The following THRB variants were observed in gnomAD, a reference collection of about 807,000 sequenced individuals.
THRB encodes the protein thyroid hormone receptor beta.
Under a neutral mutation model 47.8 loss-of-function variants are expected in THRB, and 12 were observed. The observed-to-expected ratio is 0.25, with a 90% CI of 0.16 to 0.41. THRB has a LOEUF of 0.41. THRB is among the 10% of genes least tolerant of loss of function. The pLI is 1.00. For synonymous variants in THRB, 218 were observed against 212.2 expected, an observed-to-expected ratio of 1.03 and a Z score of -0.24; for missense variants, 348 against 589.2, an observed-to-expected ratio of 0.59 and a Z score of 4.24.
At chr3:24,355,299 C>A (rs2063605897) in intron 1 of THRB, among the ~76,000 whole-genome samples, 1 of 151,966 alleles carries the variant, frequency 6.6e-6, no homozygotes. Flanking sequence ...CCAAAAATAC[C>A]AAGGTCAGGA....
intron 1 of THRB, among the ~76,000 whole-genome samples, chr3:24,413,389 T>C (rs775859396): frequency 6.1e-4 from 92 of 151,872 alleles, no homozygotes; most frequent in Non-Finnish European, 4.7e-4. Context: ...GAATTCTATA[T>C]GGTAAATTCT....
intron 1 of THRB, among the ~76,000 whole-genome samples, chr3:24,488,742 G>A (rs1221447423): frequency 1.3e-5 from 2 of 152,114 alleles, no homozygotes. Flanking sequence ...TGCCTTAAAT[G>A]AATGAGTAGT....
intron 4 of THRB, among the ~76,000 whole-genome samples, chr3:24,223,026 T>C (rs758260799): frequency 6.6e-6 from 1 of 152,216 alleles, no homozygotes; most frequent in Non-Finnish European, 1.5e-5. Flanking sequence ...TCTATGGCAC[T>C]GTGGGAAGCG....
intron 3 of THRB, among the ~76,000 whole-genome samples, chr3:24,281,750 C>A (rs1461475529): frequency 1.4e-5 from 2 of 141,818 alleles, no homozygotes; most frequent in African/African-American, 5.2e-5. Flanking sequence ...ATCTACCAAG[C>A]AAATGGAAAA....
intron 1 of THRB, among the ~76,000 whole-genome samples, chr3:24,482,647 T>C (rs1696657403): frequency 6.7e-6 from 1 of 148,960 alleles, no homozygotes; most frequent in Non-Finnish European, 1.5e-5. Flanking sequence ...ACTCAACCAA[T>C]AAGAGAAGGG....
chr3:24,200,422 C>T lies in THRB; in HGVS notation c.23-10088G>A, dbSNP rs769017055. 4.7e-4 allele frequency among the ~76,000 whole-genome samples: 72 copies of T among 152,108 alleles called. 1 individual carries two copies. Among genetic ancestry groups the T allele is most frequent in the Non-Finnish European group, 1.2e-4 (8 of 68,014 alleles). ...AATCAAAACTTAAGATTTATAATTTCTCAAATAAAAGACAAAATATGACTT... is the reference window on the plus strand; with the variant it reads ...AATCAAAACTTAAGATTTATAATTTTTCAAATAAAAGACAAAATATGACTT... On this transcript the variant is annotated intron_variant, in intron 4 of 10. Coordinates refer to ENST00000646209, the MANE Select transcript of THRB (RefSeq NM_001354712.2).
chr3:24,473,143 G>C (rs1327643572), intron 1 of THRB, among the ~76,000 whole-genome samples: 1 of 152,154 alleles, frequency 6.6e-6, no homozygotes, highest in East Asian at 1.9e-4. Context: ...ACATGTAATA[G>C]AAACTTCAGC....
At chr3:24,158,133 T>C (rs2038155575) in intron 5 of THRB, among the ~76,000 whole-genome samples, 1 of 152,182 alleles carries the variant, frequency 6.6e-6, no homozygotes, top group African/African-American at 2.4e-5. Flanking sequence ...GGAAATTTCA[T>C]AAAACATACA....
intron 1 of THRB, among the ~76,000 whole-genome samples, chr3:24,399,016 G>T (rs1257707145): frequency 6.6e-6 from 1 of 151,834 alleles, no homozygotes; most frequent in Non-Finnish European, 1.5e-5. Context: ...CTCATAGGTG[G>T]GAATTGAACA....
chr3:24,410,811 T>C (rs1485436010), intron 1 of THRB, among the ~76,000 whole-genome samples: 1 of 151,876 alleles, frequency 6.6e-6, no homozygotes, highest in Non-Finnish European at 1.5e-5. Flanking sequence ...ATTTGTTAAT[T>C]CACAACAAAA....
At chr3:24,451,424 AT>A (rs1299512413) in intron 1 of THRB, among the ~76,000 whole-genome samples, 1 of 151,636 alleles carries the variant, frequency 6.6e-6, no homozygotes, top group Non-Finnish European at 1.5e-5. Context: ...TTTAGTAGAG[AT>A]GGGGTTTCAC....
At chr3:24,136,714 T>C (rs913947340) in intron 8 of THRB, among the ~76,000 whole-genome samples, 1 of 152,230 alleles carries the variant, frequency 6.6e-6, no homozygotes, top group Non-Finnish European at 1.5e-5. Context: ...ACTGTAGACC[T>C]GTGGGGAAAG....
At chr3:24,171,441 T>C (rs1276762601) in intron 5 of THRB, among the ~76,000 whole-genome samples, 3 of 151,838 alleles carry the variant, frequency 2.0e-5, no homozygotes, top group Admixed American at 6.6e-5. Flanking sequence ...AGACCTGTTT[T>C]ATGTTTTCTT....
intron 1 of THRB, among the ~76,000 whole-genome samples, chr3:24,461,816 C>A (rs904142259): frequency 1.3e-5 from 2 of 152,164 alleles, no homozygotes; most frequent in African/African-American, 4.8e-5. Context: ...AAGACAACAT[C>A]TTAGCGTTAA....
At chr3:24,156,555 C>T (rs1056098104) in intron 5 of THRB, among the ~76,000 whole-genome samples, 2 of 152,210 alleles carry the variant, frequency 1.3e-5, no homozygotes, top group Non-Finnish European at 2.9e-5. Flanking sequence ...CTAGCAGAAC[C>T]AGTCCTGGCA....
chr3:24,447,583 A>G (rs1386468168), intron 1 of THRB, among the ~76,000 whole-genome samples: 1 of 152,160 alleles, frequency 6.6e-6, no homozygotes, highest in Non-Finnish European at 1.5e-5. Context: ...CCTGTATATA[A>G]TCAGGGGCAC....
At chr3:24,320,045 C>A (rs982717183) in intron 2 of THRB, among the ~76,000 whole-genome samples, 2 of 152,186 alleles carry the variant, frequency 1.3e-5, no homozygotes, top group Non-Finnish European at 2.9e-5. Context: ...GCAACAGAGG[C>A]CCTTCTCAGT....
chr3:24,189,430 G>A (rs749765132), intron 5 of THRB, among the ~76,000 whole-genome samples: 1 of 152,148 alleles, frequency 6.6e-6, no homozygotes, highest in Admixed American at 6.5e-5. Context: ...ACAATAAAGC[G>A]ATCAGCACAA....
intron 5 of THRB, among the ~76,000 whole-genome samples, chr3:24,168,490 A>ATATATATATATATATTTATATATATAT (rs1559499553): frequency 7.2e-6 from 1 of 137,972 alleles, no homozygotes; most frequent in Non-Finnish European, 1.6e-5. Flanking sequence ...TTCAATCAAT[A>ATATATATATATATATTTATATATATAT]ATATATATAT....
Sources: allele counts gnomAD v4.1 joint callset (sites outside exome capture counted in the v4.1 genomes callset), GRCh38; gene constraint gnomAD v4.1.1; transcripts MANE v1.5; gene names NCBI Gene and HGNC (gene_info 2026-07-23, HGNC 2026-07-21).